DPYD: variants seen among roughly 807,000 people sequenced by gnomAD.
DPYD encodes dihydropyrimidine dehydrogenase [NADP(+)].
A neutral mutation model predicts 116.2 loss-of-function variants in DPYD; 109 were observed. The observed-to-expected ratio is 0.94, with a 90% CI of 0.80 to 1.10. DPYD has a LOEUF of 1.10. DPYD is among the 50% of genes least tolerant of loss of function. DPYD has a pLI of 0.00. For missense variants in DPYD, 1,302 were observed against 1,254.5 expected (o/e 1.04, Z -0.57); for synonymous variants, 440 against 432.0 (o/e 1.02, Z -0.23).
chr1:97,133,683 T>A (rs573027028), intron 20 of DPYD, among the ~76,000 whole-genome samples: 64 of 151,978 alleles, frequency 4.2e-4, no homozygotes, highest in Non-Finnish European at 7.5e-4. Flanking sequence ...ATTGACCTAT[T>A]AGGTTACATT....
intron 20 of DPYD, among the ~76,000 whole-genome samples, chr1:97,186,918 A>G (rs1031397313): frequency 7.2e-5 from 11 of 152,182 alleles, no homozygotes; most frequent in Admixed American, 3.3e-4. Context: ...ATGTTGCTAT[A>G]AAATACATGA....
intron 8 of DPYD, among the ~76,000 whole-genome samples, chr1:97,647,659 CTAAT>C (rs1658346095): frequency 6.6e-6 from 1 of 151,866 alleles, no homozygotes; most frequent in African/African-American, 2.4e-5. Context: ...AAGATTATCT[CTAAT>C]TACTGACTTG....
At position 97,684,699 on chromosome 1, in the gene DPYD, G is replaced by A. The variant is rs117054940; in HGVS notation, c.763-5517C>T. On this transcript the variant is annotated intron_variant, in intron 7 of 22. Transcript: ENST00000370192. ...ACCCACAGAAATACAAACAAGCATC[G>A]AAGAATATTATAAACATTTCTATGC... 1.6e-4 allele frequency among the ~76,000 whole-genome samples: 25 copies of A among 152,014 alleles called. 1 individual carries two copies. The East Asian group carries it at 3.3e-3, about 20-fold the overall frequency.
chr1:97,611,366 A>C (rs1231119361), intron 8 of DPYD, among the ~76,000 whole-genome samples: 1 of 152,072 alleles, frequency 6.6e-6, no homozygotes, highest in African/African-American at 2.4e-5. Context: ...GGGAGCTATA[A>C]GATGAGAGTT....
Position 97,257,452 on chromosome 1 carries a change from T to TATAGAGAGAGAGAGAG in DPYD, c.2300-22459_2300-22458insCTCTCTCTCTCTCTAT, listed in dbSNP as rs375490078. On this transcript the variant is annotated intron_variant, in intron 18 of 22. Transcript: ENST00000370192. The stretch of plus-strand genomic sequence containing the variant: ...ATACATACGTATATATATATATATA[T>TATAGAGAGAGAGAGAG]AGAGAGAGAGAAAGAGAGAGAGAGC... Among the ~76,000 whole-genome samples the TATAGAGAGAGAGAGAG allele has an allele frequency of 1.2e-3, 149 of 126,462 alleles. 1 individual carries two copies. Among genetic ancestry groups the TATAGAGAGAGAGAGAG allele is most frequent in the South Asian group, 3.0e-3 (11 of 3,682 alleles). The allele number at this position is 126,462 out of a possible 152,430, so 83.0% of individuals were successfully genotyped here. A position where few individuals can be genotyped will look rare whatever the true frequency, so the allele number is the denominator to read the frequency against.
rs1178788054 is a variant in DPYD, at chr1:97,450,161, G to A, written c.1803C>T (p.Gly601=). The part of the protein sequence containing the change: ...IRGTTSGPMY[G]PGQSSFLNIE... The stretch of plus-strand genomic sequence containing the variant: ...TATTCAGAAAGGAGCTTTGTCCAGG[G>A]CCATACATGGGGCCAGAGGTGGTTC... The change falls in exon 14 of 23, where the codon GGC becomes GGT. Residue 601 remains glycine (G), a synonymous_variant. Coordinates refer to ENST00000370192, the MANE Select transcript of DPYD (RefSeq NM_000110.4). 6.8e-6 allele frequency: 11 copies of A among 1,613,922 alleles called. No homozygotes were observed. The highest frequency in any genetic ancestry group is 9.3e-6 in the Non-Finnish European group (11 of 1,179,882).
intron 16 of DPYD, among the ~76,000 whole-genome samples, chr1:97,336,336 T>A (rs1057269367): frequency 4.6e-5 from 7 of 152,210 alleles, no homozygotes; most frequent in African/African-American, 1.4e-4. Context: ...ACTGCAAAGA[T>A]GATTTAAAGA....
At chr1:97,724,185 T>C (rs549943978) in intron 4 of DPYD, among the ~76,000 whole-genome samples, 4 of 151,700 alleles carry the variant, frequency 2.6e-5, no homozygotes, top group African/African-American at 7.2e-5. Context: ...AACATCTCAC[T>C]TTATGGTGAA....
At chr1:97,630,408 T>G (rs1192785861) in intron 8 of DPYD, among the ~76,000 whole-genome samples, 1 of 152,022 alleles carries the variant, frequency 6.6e-6, no homozygotes, top group Non-Finnish European at 1.5e-5. Flanking sequence ...TCTCCATGCC[T>G]TCTCTCTAAT....
intron 11 of DPYD, among the ~76,000 whole-genome samples, chr1:97,561,063 T>C (rs1312730548): frequency 6.6e-6 from 1 of 152,166 alleles, no homozygotes; most frequent in African/African-American, 2.4e-5. Flanking sequence ...AGGAGTGTGT[T>C]AGAAACTGTA....
At chr1:97,375,639 T>A (rs568831061) in intron 15 of DPYD, among the ~76,000 whole-genome samples, 1 of 152,346 alleles carries the variant, frequency 6.6e-6, no homozygotes, top group East Asian at 1.9e-4. Flanking sequence ...ATCTTACGCC[T>A]GTAGCTAAGG....
intron 3 of DPYD, among the ~76,000 whole-genome samples, chr1:97,771,829 T>C (rs1001972720): frequency 1.3e-5 from 2 of 152,208 alleles, no homozygotes; most frequent in African/African-American, 4.8e-5. Context: ...AATGAATAAC[T>C]TGTGTGCTTG....
At chr1:97,293,975 A>T (rs1165137649) in intron 18 of DPYD, among the ~76,000 whole-genome samples, 1 of 151,916 alleles carries the variant, frequency 6.6e-6, no homozygotes, top group Non-Finnish European at 1.5e-5. Flanking sequence ...CCAATCACTA[A>T]ATGCTCCTGC....
At chr1:97,716,809 G>A (rs1473812383) in intron 5 of DPYD, among the ~76,000 whole-genome samples, 3 of 152,020 alleles carry the variant, frequency 2.0e-5, no homozygotes, top group Non-Finnish European at 4.4e-5. Flanking sequence ...ATGAATCAGA[G>A]TGCTTGACTT....
intron 2 of DPYD, among the ~76,000 whole-genome samples, chr1:97,842,123 T>A (rs564521234): frequency 6.6e-6 from 1 of 151,956 alleles, no homozygotes; most frequent in Non-Finnish European, 1.5e-5. Flanking sequence ...ATGTAGTCCC[T>A]TGTTGATAAA....
chr1:97,383,907 T>A (rs536540868), intron 14 of DPYD, among the ~76,000 whole-genome samples: 1 of 152,208 alleles, frequency 6.6e-6, no homozygotes, highest in Non-Finnish European at 1.5e-5. Flanking sequence ...CAGAAATTCA[T>A]GACCAACCTG....
intron 3 of DPYD, among the ~76,000 whole-genome samples, chr1:97,774,507 G>A (rs950869906): frequency 2.6e-5 from 4 of 152,146 alleles, no homozygotes; most frequent in East Asian, 1.9e-4. Context: ...CAGACCACCT[G>A]TAGAGGTACA....
chr1:97,735,633 C>A (rs79439995), intron 4 of DPYD, among the ~76,000 whole-genome samples: 20,296 of 149,978 alleles, frequency 0.14, 1,555 homozygotes, highest in African/African-American at 0.19. Context: ...GCTTGCAGTG[C>A]GCAGAGATTG....
At chr1:97,569,037 T>C (rs1652720580) in intron 11 of DPYD, among the ~76,000 whole-genome samples, 1 of 152,134 alleles carries the variant, frequency 6.6e-6, no homozygotes, top group Non-Finnish European at 1.5e-5. Flanking sequence ...TGAGCTAAAG[T>C]ACATTCATTC....
Sources: gnomAD v4.1 joint callset for allele counts (sites outside exome capture counted in the v4.1 genomes callset) on GRCh38, gnomAD v4.1.1 for gene constraint, MANE v1.5 for transcripts, NCBI Gene and HGNC (gene_info 2026-07-23, HGNC 2026-07-21) for gene names.